The following AGGF1 variants were observed in gnomAD, a reference collection of about 807,000 sequenced individuals.
AGGF1 encodes angiogenic factor with G-patch and FHA domains 1, also known as angiogenic factor with G patch and FHA domains 1.
In AGGF1, 56 loss-of-function variants were observed where a neutral mutation model predicts 86.5. That is an observed-to-expected ratio of 0.65 (90% CI 0.52 to 0.81). The LOEUF (loss-of-function observed/expected upper bound fraction) is 0.81. Ranked by LOEUF, AGGF1 falls within the 30% of genes least tolerant of loss-of-function variation. The pLI, the probability that AGGF1 is intolerant of heterozygous loss-of-function variation, is 0.00. For synonymous variants in AGGF1, 313 were observed against 297.1 expected (o/e 1.05, Z -0.55); for missense variants, 816 against 850.9 (o/e 0.96, Z 0.51).
chr5:77,055,661 T>G, intron 11 of AGGF1, 65 bp downstream of exon 11: 1 of 1,118,320 alleles, frequency 8.9e-7, no homozygotes, highest in South Asian at 1.3e-5. Context: ...AAAATGTCTT[T>G]AAATATGCTC....
intron 7 of AGGF1, among the ~76,000 whole-genome samples, chr5:77,048,676 T>C (rs1414996499): frequency 6.6e-6 from 1 of 152,148 alleles, no homozygotes; most frequent in Non-Finnish European, 1.5e-5. Flanking sequence ...TTCTATGTGC[T>C]GTGGATACAA....
At position 77,063,584 on chromosome 5, in the gene AGGF1, C is replaced by CATCT. The variant is rs1263108818; in HGVS notation, c.*333_*336dup. The CATCT allele has an allele frequency of 3.3e-6, 1 of 299,584 alleles. No individual in the cohort carries two copies. The highest frequency in any genetic ancestry group is 6.3e-6 in the Non-Finnish European group (1 of 157,610). 18.6% of individuals were successfully genotyped at this position (299,584 alleles called of 1,614,324 possible). On this transcript the variant is annotated 3_prime_UTR_variant, in exon 14 of 14. Transcript: ENST00000312916. Reference sequence around the variant, plus strand: ...TAGAACTACTAATGACTTAAGTGTACATCTGTTCTTGTCTCCATATATTCA... The same window carrying CATCT: ...TAGAACTACTAATGACTTAAGTGTACATCTATCTGTTCTTGTCTCCATATATTCA...
chr5:77,030,591 G>T lies in AGGF1; in HGVS notation c.-176G>T. The T allele has an allele frequency of 1.3e-6, 1 of 772,378 alleles. No individual in the cohort carries two copies. The highest frequency in any genetic ancestry group is 2.2e-6 in the Non-Finnish European group (1 of 451,266). 47.8% of individuals were successfully genotyped at this position (772,378 alleles called of 1,614,324 possible). On this transcript the variant is annotated 5_prime_UTR_variant, in exon 1 of 14. Transcript: ENST00000312916. ...TCGGTCCCCTTGCTCGTTGCTCGCA[G>T]CCCCGTTCGGCTACAAGTGAGTTTC...
intron 12 of AGGF1, among the ~76,000 whole-genome samples, chr5:77,060,661 A>G (rs1347918633): frequency 6.6e-6 from 1 of 152,174 alleles, no homozygotes; most frequent in Non-Finnish European, 1.5e-5. Context: ...ATTCAATATC[A>G]TATTGCATTG....
chr5:77,041,790 T>A (rs1747088878), intron 5 of AGGF1, among the ~76,000 whole-genome samples: 2 of 93,860 alleles, frequency 2.1e-5, no homozygotes, highest in South Asian at 3.0e-4. Context: ...ACTTTTTTTA[T>A]TTATTTATTT....
intron 1 of AGGF1, among the ~76,000 whole-genome samples, chr5:77,033,932 G>T (rs1172115720): frequency 6.6e-6 from 1 of 152,172 alleles, no homozygotes; most frequent in Non-Finnish European, 1.5e-5. Flanking sequence ...CACCTTCCCT[G>T]TTCTCTTCTG....
chr5:77,045,064 CAAAA>C (rs11355114), intron 5 of AGGF1, among the ~76,000 whole-genome samples: 2 of 86,572 alleles, frequency 2.3e-5, no homozygotes, highest in Non-Finnish European at 5.0e-5. Context: ...GACTCCGTCT[CAAAA>C]AAAAAAAAAA....
At chr5:77,063,012 A>G in intron 13 of AGGF1, 40 bp from the exon 14 acceptor site, 1 of 1,607,152 alleles carries the variant, frequency 6.2e-7, no homozygotes, top group Non-Finnish European at 8.5e-7. Flanking sequence ...CAATGTGTTT[A>G]GACTCTAAAA....
At chr5:77,039,780 AT>A in intron 5 of AGGF1, 61 bp downstream of exon 5, 1 of 1,436,412 alleles carries the variant, frequency 7.0e-7, no homozygotes, top group Non-Finnish European at 9.6e-7. Flanking sequence ...TTAAGACAAA[AT>A]TTTTTATGAA....
At position 77,046,629 on chromosome 5, in the gene AGGF1, G is replaced by A; in HGVS notation, c.1153G>A (p.Ala385Thr). The stretch of plus-strand genomic sequence containing the variant: ...TCAGACTGAGGATAGTTATGACGAA[G>A]CCATTACCAGTGAAGGCAATGTAAC... Reference protein sequence around the residue: ...DSQTEDSYDEAITSEGNVTAE... With the variant: ...DSQTEDSYDETITSEGNVTAE... Residue 385 changes from alanine to threonine, a missense_variant, in exon 6 of 14, where the codon GCC becomes ACC. Physicochemically the swap from Ala to Thr is moderately conservative, Grantham distance 58. Transcript: ENST00000312916. 2 of 1,614,050 alleles carry A rather than the reference G, an allele frequency of 1.2e-6. No homozygotes were observed. The highest frequency in any genetic ancestry group is 2.2e-5 in the South Asian group (2 of 91,074).
intron 3 of AGGF1, 190 bp downstream of exon 3, chr5:77,035,933 G>A (rs1746960891): frequency 6.8e-6 from 4 of 588,878 alleles, no homozygotes; most frequent in South Asian, 6.1e-5. Context: ...CATATATGTA[G>A]TGGTTTTCCT....
intron 11 of AGGF1, among the ~76,000 whole-genome samples, chr5:77,057,022 A>C (rs1747473799): frequency 6.6e-6 from 1 of 152,214 alleles, no homozygotes; most frequent in Non-Finnish European, 1.5e-5. Flanking sequence ...CAGTATTATC[A>C]GTCTTTAAGG....
intron 1 of AGGF1, among the ~76,000 whole-genome samples, chr5:77,032,981 T>C (rs914675036): frequency 1.3e-5 from 2 of 152,164 alleles, no homozygotes; most frequent in Non-Finnish European, 2.9e-5. Flanking sequence ...AAAAAAATAG[T>C]AGTTCTGTGA....
At chr5:77,059,787 A>G (rs1747521678) in intron 12 of AGGF1, 44 bp downstream of exon 12, 22 of 1,609,202 alleles carry the variant, frequency 1.4e-5, no homozygotes, top group South Asian at 2.2e-5. Context: ...TTTGTTCATA[A>G]TAACATTCAT....
chr5:77,046,785 A>G, intron 6 of AGGF1, 108 bp downstream of exon 6: 1 of 1,072,496 alleles, frequency 9.3e-7, no homozygotes, highest in Non-Finnish European at 1.4e-6. Context: ...GAAAGTAAAC[A>G]TTATTTTAAT....
Position 77,030,449 on chromosome 5 carries a change from C to A in AGGF1, c.-318C>A, listed in dbSNP as rs576368951. 7.2e-6 allele frequency: 4 copies of A among 554,888 alleles called. No individual in the cohort carries two copies. The highest frequency in any genetic ancestry group is 1.4e-5 in the Non-Finnish European group (4 of 291,776). 34.4% of individuals were successfully genotyped at this position (554,888 alleles called of 1,614,324 possible). ...TGGGGAGCTGCTGGAGCTCTTCTGGCCTCTGGTTTTCCGACTGCTTATCCG... is the reference window on the plus strand; with the variant it reads ...TGGGGAGCTGCTGGAGCTCTTCTGGACTCTGGTTTTCCGACTGCTTATCCG... On this transcript the variant is annotated 5_prime_UTR_variant, in exon 1 of 14. Transcript: ENST00000312916.
chr5:77,031,768 G>A (rs1029100764), intron 1 of AGGF1, among the ~76,000 whole-genome samples: 1 of 152,134 alleles, frequency 6.6e-6, no homozygotes, highest in African/African-American at 2.4e-5. Context: ...GCCGGGCGTG[G>A]CGGCGGGCAC....
intron 4 of AGGF1, 29 bp downstream of exon 4, chr5:77,036,749 T>G: frequency 6.2e-7 from 1 of 1,610,472 alleles, no homozygotes; most frequent in Middle Eastern, 2.3e-4. Context: ...TTTGTTTTGT[T>G]TTGTTTTTGA....
Position 77,030,953 on chromosome 5 carries a change from A to C in AGGF1, c.187A>C (p.Asn63His). ...TERLYQNAES[N>H]NQELRTQVEE... is the part of the protein sequence containing the mutation. ...ACGGCTGTACCAGAACGCAGAAAGC[A>C]ACAACCAGGAGCTCCGCACGCAGGT... The change falls in exon 1 of 14, where the codon AAC (asparagine) becomes CAC (histidine). Residue 63 changes from asparagine to histidine, a missense_variant. Physicochemically the swap from Asn to His is moderately conservative, Grantham distance 68 (BLOSUM62 1). This residue lies in a region of AGGF1 where 240 missense variants were observed against 234.4 expected (regional missense o/e 1.02). Coordinates refer to ENST00000312916, the MANE Select transcript of AGGF1 (RefSeq NM_018046.5). The C allele has an allele frequency of 6.2e-7, 1 of 1,612,678 alleles. No individual in the cohort carries two copies. Among genetic ancestry groups the C allele is most frequent in the Non-Finnish European group, 8.5e-7 (1 of 1,179,972 alleles).
Sources: allele counts gnomAD v4.1 joint callset (sites outside exome capture counted in the v4.1 genomes callset), GRCh38; gene constraint gnomAD v4.1.1; regional missense constraint gnomAD v4.1.1; transcripts MANE v1.5; gene names NCBI Gene and HGNC (gene_info 2026-07-23, HGNC 2026-07-21).